FAM171A1: variants seen among roughly 807,000 people sequenced by gnomAD.
FAM171A1 encodes protein FAM171A1.
A neutral mutation model predicts 74.9 loss-of-function variants in FAM171A1; 23 were observed. The observed-to-expected ratio is 0.31, with a 90% CI of 0.22 to 0.44. FAM171A1 has a LOEUF of 0.44. Ranked by LOEUF, FAM171A1 falls within the 20% of genes least tolerant of loss-of-function variation. FAM171A1 has a pLI of 1.00. For synonymous variants in FAM171A1, 527 were observed against 505.7 expected (o/e 1.04, Z -0.57); for missense variants, 1,162 against 1,159.2 (o/e 1.00, Z -0.03).
intron 1 of FAM171A1, among the ~76,000 whole-genome samples, chr10:15,294,345 G>T (rs1165212790): frequency 6.6e-6 from 1 of 152,076 alleles, no homozygotes; most frequent in African/African-American, 2.4e-5. Flanking sequence ...ACCCACCATG[G>T]GCTCCAGTTC....
At chr10:15,265,100 G>T (rs1032442619) in intron 3 of FAM171A1, among the ~76,000 whole-genome samples, 1 of 152,154 alleles carries the variant, frequency 6.6e-6, no homozygotes, top group Non-Finnish European at 1.5e-5. Flanking sequence ...ATAAAAAGGT[G>T]CAGCCAGTTT....
chr10:15,251,075 C>T (rs1365756253), intron 4 of FAM171A1, among the ~76,000 whole-genome samples: 1 of 152,162 alleles, frequency 6.6e-6, no homozygotes, highest in East Asian at 1.9e-4. Flanking sequence ...GACTTCATTC[C>T]TCTGGGGTCT....
chr10:15,365,101 C>T (rs1471913992), intron 1 of FAM171A1, among the ~76,000 whole-genome samples: 2 of 152,186 alleles, frequency 1.3e-5, no homozygotes, highest in African/African-American at 2.4e-5. Context: ...CCTTAGGTCA[C>T]CTGGCCTGGG....
intron 1 of FAM171A1, among the ~76,000 whole-genome samples, chr10:15,330,178 C>G (rs1835610877): frequency 6.6e-6 from 1 of 151,992 alleles, no homozygotes; most frequent in Admixed American, 6.6e-5. Flanking sequence ...TCCATCTCTA[C>G]TAAAAATACA....
intron 4 of FAM171A1, among the ~76,000 whole-genome samples, chr10:15,250,635 C>G (rs947674245): frequency 6.6e-6 from 1 of 152,158 alleles, no homozygotes; most frequent in Non-Finnish European, 1.5e-5. Flanking sequence ...TGGTGCATGC[C>G]TACAGTTCCA....
intron 1 of FAM171A1, among the ~76,000 whole-genome samples, chr10:15,303,853 T>C (rs957842649): frequency 9.9e-5 from 15 of 152,172 alleles, no homozygotes; most frequent in African/African-American, 3.6e-4. Flanking sequence ...TTAAAGGAGT[T>C]AGGAATACAA....
intron 3 of FAM171A1, among the ~76,000 whole-genome samples, chr10:15,275,280 CCATTT>C (rs755078379): frequency 5.1e-4 from 77 of 151,454 alleles, no homozygotes; most frequent in Non-Finnish European, 1.0e-3. Flanking sequence ...TAAGTGGATT[CCATTT>C]AAGTTTTTTT....
At chr10:15,290,844 G>A (rs1050871398) in intron 1 of FAM171A1, among the ~76,000 whole-genome samples, 1 of 152,164 alleles carries the variant, frequency 6.6e-6, no homozygotes, top group African/African-American at 2.4e-5. Flanking sequence ...AGAGAGCTTT[G>A]TGCAGGGGCC....
At chr10:15,275,288 G>GTTT (rs368213766) in intron 3 of FAM171A1, among the ~76,000 whole-genome samples, 9 of 140,136 alleles carry the variant, frequency 6.4e-5, no homozygotes, top group African/African-American at 7.9e-5. Context: ...TTCCATTTAA[G>GTTT]TTTTTTTTTT....
chr10:15,272,136 G>A (rs139728734), intron 3 of FAM171A1, among the ~76,000 whole-genome samples: 23,271 of 152,110 alleles, frequency 0.15, 1,888 homozygotes, highest in Non-Finnish European at 0.18. Flanking sequence ...GTATTCAGGA[G>A]ACCCATCTCA....
chr10:15,255,624 T>C (rs535620307), intron 3 of FAM171A1, among the ~76,000 whole-genome samples: 1 of 151,912 alleles, frequency 6.6e-6, no homozygotes, highest in Admixed American at 6.6e-5. Flanking sequence ...AGCTTAACTT[T>C]GCTCCAAATT....
chr10:15,229,774 T>A (rs12765709), intron 5 of FAM171A1, among the ~76,000 whole-genome samples: 2,971 of 11,866 alleles, frequency 0.25, 135 homozygotes, highest in Admixed American at 0.31. Flanking sequence ...ACCATCACCA[T>A]CATCACCATC....
At chr10:15,220,362 CA>C (rs1225931782) in intron 6 of FAM171A1, among the ~76,000 whole-genome samples, 6 of 152,020 alleles carry the variant, frequency 3.9e-5, no homozygotes. Flanking sequence ...CAAAACAAAA[CA>C]AAACAAAACT....
intron 3 of FAM171A1, among the ~76,000 whole-genome samples, chr10:15,265,297 A>C (rs1467471970): frequency 6.6e-6 from 1 of 151,898 alleles, no homozygotes; most frequent in Non-Finnish European, 1.5e-5. Flanking sequence ...ACTGTACTGT[A>C]CTTTTCTTAG....
At chr10:15,334,126 T>G (rs188642647) in intron 1 of FAM171A1, among the ~76,000 whole-genome samples, 7 of 152,354 alleles carry the variant, frequency 4.6e-5, no homozygotes, top group Admixed American at 4.6e-4. Context: ...CATGGCTTCA[T>G]TATTCTGGCC....
intron 3 of FAM171A1, among the ~76,000 whole-genome samples, chr10:15,255,127 CT>C (rs1388125219): frequency 6.6e-6 from 1 of 152,084 alleles, no homozygotes; most frequent in Non-Finnish European, 1.5e-5. Flanking sequence ...TAACAAAAAG[CT>C]TTTTCCAAGT....
At chr10:15,298,990 G>A (rs1240316382) in intron 1 of FAM171A1, among the ~76,000 whole-genome samples, 1 of 152,050 alleles carries the variant, frequency 6.6e-6, no homozygotes, top group African/African-American at 2.4e-5. Context: ...GCATGATCTC[G>A]GCTCACTGCA....
intron 1 of FAM171A1, among the ~76,000 whole-genome samples, chr10:15,359,167 G>A (rs1014042946): frequency 1.3e-5 from 2 of 152,186 alleles, no homozygotes; most frequent in African/African-American, 4.8e-5. Context: ...GAAGCTGAGA[G>A]TGCCTGTCTC....
rs555996305 is a variant in FAM171A1, at chr10:15,278,941, T to C, written c.326-2994A>G. Reference sequence around the variant, plus strand: ...TCCTGGCGAGGAGGAATGGGCAGGATTGTCCTAGCAGATGCTGCTGGTAGG... The same window carrying C: ...TCCTGGCGAGGAGGAATGGGCAGGACTGTCCTAGCAGATGCTGCTGGTAGG... On this transcript the variant is annotated intron_variant, in intron 2 of 7. Coordinates refer to ENST00000378116, the MANE Select transcript of FAM171A1 (RefSeq NM_001010924.2). Among the ~76,000 whole-genome samples, 18 of 152,278 alleles carry C rather than the reference T, an allele frequency of 1.2e-4. No individual in the cohort carries two copies. In the East Asian group the frequency reaches 2.9e-3, roughly 25 times the overall value.
Sources: allele counts gnomAD v4.1 joint callset (sites outside exome capture counted in the v4.1 genomes callset), GRCh38; gene constraint gnomAD v4.1.1; transcripts MANE v1.5; gene names NCBI Gene and HGNC (gene_info 2026-07-23, HGNC 2026-07-21).